MAP7D3: variants seen among roughly 807,000 people sequenced by gnomAD.
MAP7D3 encodes MAP7 domain-containing protein 3.
Under a neutral mutation model 62.2 loss-of-function variants are expected in MAP7D3, and 45 were observed. The ratio of observed to expected loss-of-function variants is 0.72; its 90% CI spans 0.57 to 0.93. MAP7D3 has a LOEUF of 0.93. Ranked by LOEUF, MAP7D3 falls within the 40% of genes least tolerant of loss-of-function variation. The pLI is 0.00. For synonymous variants in MAP7D3, 288 were observed against 248.8 expected (o/e 1.16, Z -1.48); for missense variants, 711 against 683.1 (o/e 1.04, Z -0.45).
At chrX:136,252,903 G>T (rs1032688189), upstream of MAP7D3, among the ~76,000 whole-genome samples, 9 of 109,713 alleles carry the variant, frequency 8.2e-5, no homozygotes, top group Non-Finnish European at 3.8e-5. Context: ...TTCAAGATCA[G>T]CCTGGCCAGC....
Position 136,225,890 on chromosome X carries a change from C to CT in MAP7D3, c.2139+18_2139+19insA, listed in dbSNP as rs1569531647. ...GTTTTAAACACAGAATCAAGTCCCC[C>CT]CAAACAGAGAGCGAGTACCTTTTTC... On this transcript the variant is annotated intron_variant, in intron 13 of 18. Coordinates refer to ENST00000316077, the MANE Select transcript of MAP7D3 (RefSeq NM_024597.4). 2 of 1,057,294 alleles carry CT rather than the reference C, an allele frequency of 1.9e-6. No individual in the cohort carries two copies. The highest frequency in any genetic ancestry group is 2.6e-6 in the Non-Finnish European group (2 of 765,550). The allele number at this position is 1,057,294 out of a possible 1,213,427, so 87.1% of individuals were successfully genotyped here.
chrX:136,229,600 G>T (rs2074237800), intron 10 of MAP7D3, among the ~76,000 whole-genome samples: 1 of 109,841 alleles, frequency 9.1e-6, no homozygotes, highest in African/African-American at 3.3e-5. Flanking sequence ...CTAAATCTTA[G>T]GAAAAACCTG....
upstream of MAP7D3, chrX:136,256,272 G>A (rs2074550900): frequency 1.7e-6 from 2 of 1,151,966 alleles, no homozygotes; most frequent in Non-Finnish European, 2.3e-6. Flanking sequence ...TCCCACATCT[G>A]CGCTTTCTTC....
rs746973961 is a variant in MAP7D3 at position 136,228,737 on chromosome X, G to A, written c.1772C>T (p.Ala591Val). 6 of 1,196,545 alleles carry A rather than the reference G, an allele frequency of 5.0e-6. No homozygotes were observed. The East Asian group carries it at 1.5e-4, about 30-fold the overall frequency. Residue 591 changes from alanine (A) to valine (V), a missense_variant, in exon 11 of 19, where the codon GCA becomes GTA. By Grantham distance (64) the Ala-to-Val change is moderately conservative. Coordinates refer to ENST00000316077, the MANE Select transcript of MAP7D3 (RefSeq NM_024597.4). ...IYEESGNKST[A>V]GIMNAEAATK... is the part of the protein sequence containing the mutation. ...TGCCGCCTCGGCATTCATAATACCT[G>A]CAGTACTCTTATTACCAGACTCTAG...
At chrX:136,240,812 T>C (rs1246472040) in intron 5 of MAP7D3, among the ~76,000 whole-genome samples, 1 of 112,211 alleles carries the variant, frequency 8.9e-6, no homozygotes, top group Non-Finnish European at 1.9e-5. Flanking sequence ...TTGTGTAGAA[T>C]TATGTGCATA....
chrX:136,223,321 G>A (rs1470881564), intron 14 of MAP7D3, among the ~76,000 whole-genome samples: 1 of 111,236 alleles, frequency 9.0e-6, no homozygotes, highest in African/African-American at 3.3e-5. Flanking sequence ...AATGTAAAAA[G>A]CACAGAATCT....
intron 1 of MAP7D3, among the ~76,000 whole-genome samples, chrX:136,249,266 A>G (rs917067127): frequency 4.5e-5 from 5 of 112,346 alleles, no homozygotes; most frequent in African/African-American, 1.6e-4. Flanking sequence ...CTAGCTGTCA[A>G]TCTCCGTAGC....
intron 1 of MAP7D3, among the ~76,000 whole-genome samples, chrX:136,247,783 C>T (rs2074464882): frequency 9.0e-6 from 1 of 111,476 alleles, no homozygotes; most frequent in Non-Finnish European, 1.9e-5. Flanking sequence ...CTCCTATATA[C>T]CCACTTGCAA....
chrX:136,252,676 C>CAAAAAAAAAAA (rs770751343), upstream of MAP7D3, among the ~76,000 whole-genome samples: 15 of 36,045 alleles, frequency 4.2e-4, no homozygotes, highest in Admixed American at 9.3e-4. Context: ...GACTCTGTCT[C>CAAAAAAAAAAA]AAAAAAAAAA....
At position 136,244,746 on chromosome X, in the gene MAP7D3, T is replaced by C. The variant is rs186413213; in HGVS notation, c.303A>G (p.Gln101=). Reference sequence around the variant, plus strand: ...GTCTTTCCTCCATCTGTTTTTCATATTGGAGCTTGGTCTTTCTTTCTTTTT... The same window carrying C: ...GTCTTTCCTCCATCTGTTTTTCATACTGGAGCTTGGTCTTTCTTTCTTTTT... ...LLEKERKTKL[Q]YEKQMEERQR... The change falls in exon 4 of 19, where the codon CAA becomes CAG. Residue 101 remains glutamine, a synonymous_variant. Coordinates refer to ENST00000316077, the MANE Select transcript of MAP7D3 (RefSeq NM_024597.4). The C allele has an allele frequency of 4.0e-5, 48 of 1,198,474 alleles. No homozygotes were observed. The highest frequency in any genetic ancestry group is 4.7e-5 in the Non-Finnish European group (42 of 886,533).
chrX:136,243,633 G>A (rs536174371), intron 4 of MAP7D3, among the ~76,000 whole-genome samples: 134 of 110,224 alleles, frequency 1.2e-3, no homozygotes, highest in African/African-American at 4.0e-3. Flanking sequence ...AACCGGGGGG[G>A]CAGAAGTTGC....
chrX:136,249,553 C>T (rs1357091079), intron 1 of MAP7D3, among the ~76,000 whole-genome samples: 1 of 111,656 alleles, frequency 9.0e-6, no homozygotes, highest in Non-Finnish European at 1.9e-5. Context: ...TTATATGTAA[C>T]ACATATATAT....
At chrX:136,251,101 C>A (rs1456953809) in intron 1 of MAP7D3, among the ~76,000 whole-genome samples, 188 bp downstream of exon 1, 2 of 112,798 alleles carry the variant, frequency 1.8e-5, no homozygotes, top group Non-Finnish European at 3.8e-5. Context: ...CAATTTCAAC[C>A]CCCCGCCCCC....
At chrX:136,249,116 T>A (rs771405220) in intron 1 of MAP7D3, among the ~76,000 whole-genome samples, 1 of 111,984 alleles carries the variant, frequency 8.9e-6, no homozygotes, top group Admixed American at 9.5e-5. Flanking sequence ...TACAATGGAA[T>A]GGCTACTTGG....
chrX:136,251,473 C>CGGGGG, upstream of MAP7D3: 1 of 137,856 alleles, frequency 7.3e-6, no homozygotes, highest in Non-Finnish European at 1.1e-5. Context: ...CGGGGCGGGG[C>CGGGGG]GGGGCGGGGC....
At chrX:136,232,254 T>C in intron 7 of MAP7D3, 34 bp from the exon 8 acceptor site, 3 of 1,011,531 alleles carry the variant, frequency 3.0e-6, no homozygotes, top group Non-Finnish European at 4.1e-6. Context: ...TTCCCTAAGT[T>C]AGAAATCTGA....
intron 8 of MAP7D3, 106 bp downstream of exon 8, chrX:136,231,438 G>A (rs946527126): frequency 7.8e-6 from 5 of 637,855 alleles, no homozygotes; most frequent in Non-Finnish European, 9.6e-6. Context: ...GCAGAATATT[G>A]TAAATAATAT....
intron 11 of MAP7D3, among the ~76,000 whole-genome samples, 154 bp from the exon 12 acceptor site, chrX:136,227,585 A>G (rs2074213015): frequency 9.1e-6 from 1 of 110,141 alleles, no homozygotes; most frequent in South Asian, 3.9e-4. Context: ...ACTATATAGG[A>G]ATTACACAAT....
chrX:136,226,781 G>C (rs957088415), intron 12 of MAP7D3, among the ~76,000 whole-genome samples: 10 of 111,989 alleles, frequency 8.9e-5, no homozygotes, highest in Non-Finnish European at 1.7e-4. Flanking sequence ...GGTTTTCTGA[G>C]GGTGGCTGAC....
Sources: allele counts gnomAD v4.1 joint callset (sites outside exome capture counted in the v4.1 genomes callset), GRCh38; gene constraint gnomAD v4.1.1; transcripts MANE v1.5; gene names NCBI Gene and HGNC (gene_info 2026-07-23, HGNC 2026-07-21).